MAD1L1: variants seen among roughly 807,000 people sequenced by gnomAD.
MAD1L1 encodes mitotic arrest deficient 1 like 1.
In MAD1L1, 95 loss-of-function variants were observed where a neutral mutation model predicts 96.9. That is an observed-to-expected ratio of 0.98 (90% confidence interval 0.83 to 1.16). The LOEUF (loss-of-function observed/expected upper bound fraction) is 1.16, where lower values mean the gene tolerates loss of function less well. Among genes scored for constraint, MAD1L1 ranks in the 50% most tolerant of loss-of-function variants. The pLI is 0.00. For missense variants in MAD1L1, 1,007 were observed against 954.4 expected (o/e 1.06, Z -0.73); for synonymous variants, 473 against 396.6 (o/e 1.19, Z -2.29).
chr7:2,017,597 TG>T (rs1359566717), intron 12 of MAD1L1, among the ~76,000 whole-genome samples: 3 of 152,064 alleles, frequency 2.0e-5, no homozygotes, highest in Non-Finnish European at 2.9e-5. Flanking sequence ...CTGGGCGCCC[TG>T]GGAGGCAGCG....
chr7:2,069,498 G>T lies in MAD1L1; in HGVS notation c.1074-160C>A, dbSNP rs73048941. ...TCCGCACTGCTGAATAGCTACTTAA[G>T]GCCTTTCAGGAGTTTCTGGATTTCA... On this transcript the variant is annotated intron_variant, in intron 11 of 18. Transcript: ENST00000265854. Among the ~76,000 whole-genome samples, 1,226 of 152,176 alleles carry T rather than the reference G, an allele frequency of 8.1e-3. 6 individuals carry two copies. The highest frequency in any genetic ancestry group is 0.012 in the Admixed American group (178 of 15,302).
intron 10 of MAD1L1, among the ~76,000 whole-genome samples, chr7:2,156,525 TAG>T (rs1002557821): frequency 1.3e-5 from 2 of 151,404 alleles, no homozygotes; most frequent in East Asian, 3.9e-4. Context: ...TCTGCATAAA[TAG>T]AGAGGGGAGG....
chr7:2,182,506 A>G (rs1015950106), intron 10 of MAD1L1, among the ~76,000 whole-genome samples: 2 of 152,230 alleles, frequency 1.3e-5, no homozygotes, highest in Non-Finnish European at 2.9e-5. Context: ...AAAAGGTCTC[A>G]TACAAATATC....
intron 3 of MAD1L1, among the ~76,000 whole-genome samples, chr7:2,226,390 TG>T (rs1793897656): frequency 6.6e-6 from 1 of 151,396 alleles, no homozygotes; most frequent in Non-Finnish European, 1.5e-5. Context: ...GCTGAGCCTC[TG>T]GGGGCCCTCT....
chr7:1,997,482 C>T (rs1465750082), intron 14 of MAD1L1, among the ~76,000 whole-genome samples: 2 of 152,262 alleles, frequency 1.3e-5, no homozygotes, highest in Non-Finnish European at 2.9e-5. Flanking sequence ...TGGGAGGGGC[C>T]TCAGAGCCAG....
rs1226061736 is a variant in MAD1L1, at chr7:2,213,094, G to A, written c.986+118C>T. 25 of 1,052,426 alleles carry A rather than the reference G, an allele frequency of 2.4e-5. No individual in the cohort carries two copies. In the East Asian group the frequency reaches 2.8e-4, roughly 12 times the overall value. The allele number at this position is 1,052,426 out of a possible 1,614,324, so 65.2% of individuals were successfully genotyped here. A position where few individuals can be genotyped will look rare whatever the true frequency, so the allele number is the denominator to read the frequency against. On this transcript the variant is annotated intron_variant, in intron 10 of 18. Coordinates refer to ENST00000265854, the MANE Select transcript of MAD1L1 (RefSeq NM_001013836.2). ...CTGAGCAGCCCAGGACAAATGCCCC[G>A]CACCAGCCACAGAGATGCCTGGCTG...
At chr7:2,131,156 C>T (rs148581857) in intron 11 of MAD1L1, among the ~76,000 whole-genome samples, 272 of 152,308 alleles carry the variant, frequency 1.8e-3, no homozygotes, top group African/African-American at 6.1e-3. Context: ...GGATGAGCAG[C>T]GTGTCAGCCT....
intron 18 of MAD1L1, among the ~76,000 whole-genome samples, chr7:1,858,638 C>T (rs747489730): frequency 1.3e-5 from 2 of 152,210 alleles, no homozygotes; most frequent in Non-Finnish European, 2.9e-5. Context: ...GTCAGACCCA[C>T]GCCACAGTGC....
intron 18 of MAD1L1, among the ~76,000 whole-genome samples, chr7:1,831,634 G>C (rs1782707619): frequency 6.6e-6 from 1 of 152,236 alleles, no homozygotes; most frequent in African/African-American, 2.4e-5. Flanking sequence ...CAAAGGAGAA[G>C]TTCGTAAAGG....
chr7:2,141,984 C>A (rs149122436), intron 11 of MAD1L1, among the ~76,000 whole-genome samples: 2 of 152,304 alleles, frequency 1.3e-5, no homozygotes, highest in African/African-American at 4.8e-5. Context: ...GCAGGTGGAC[C>A]GCACAGCCGT....
intron 17 of MAD1L1, among the ~76,000 whole-genome samples, chr7:1,925,608 G>A (rs796286600): frequency 3.3e-5 from 5 of 152,304 alleles, no homozygotes; most frequent in African/African-American, 9.6e-5. Context: ...TGACCTCAAC[G>A]CCTCCCAGGA....
intron 17 of MAD1L1, among the ~76,000 whole-genome samples, chr7:1,926,077 C>A (rs1026131048): frequency 6.6e-6 from 1 of 152,144 alleles, no homozygotes; most frequent in Non-Finnish European, 1.5e-5. Context: ...GGAAGGAGTA[C>A]CGCTACGAAC....
At chr7:1,938,643 C>A (rs1374439230) in intron 16 of MAD1L1, among the ~76,000 whole-genome samples, 1 of 151,762 alleles carries the variant, frequency 6.6e-6, no homozygotes, top group Non-Finnish European at 1.5e-5. Flanking sequence ...TAAAAATCTG[C>A]AAAACATGTG....
At chr7:2,021,401 CT>C (rs1782781462) in intron 12 of MAD1L1, among the ~76,000 whole-genome samples, 1 of 152,136 alleles carries the variant, frequency 6.6e-6, no homozygotes, top group African/African-American at 2.4e-5. Context: ...TATCCAAGTA[CT>C]GAAACAAAAC....
intron 16 of MAD1L1, among the ~76,000 whole-genome samples, chr7:1,954,282 G>A (rs143526741): frequency 0.012 from 1,770 of 152,278 alleles, 20 homozygotes; most frequent in Middle Eastern, 0.075. Context: ...GGAAAGGCCC[G>A]TGCCCTCCAC....
intron 18 of MAD1L1, chr7:1,846,538 A>G (rs10231456): frequency 0.64 from 97,441 of 153,270 alleles, 31,252 homozygotes; most frequent in South Asian, 0.79. Flanking sequence ...TGCTTGGGCC[A>G]AGTGTGTCCA....
chr7:1,885,444 T>C (rs1183446272), intron 18 of MAD1L1, among the ~76,000 whole-genome samples: 2 of 152,134 alleles, frequency 1.3e-5, no homozygotes, highest in East Asian at 1.9e-4. Context: ...CAGAGGCCAG[T>C]GCACTCAGAC....
At chr7:1,998,000 C>T (rs1355548637) in intron 14 of MAD1L1, among the ~76,000 whole-genome samples, 1 of 152,084 alleles carries the variant, frequency 6.6e-6, no homozygotes, top group Non-Finnish European at 1.5e-5. Flanking sequence ...AAGTCAAATG[C>T]TGCAGCTTGG....
At chr7:2,169,588 G>A (rs572648374) in intron 10 of MAD1L1, among the ~76,000 whole-genome samples, 10 of 152,350 alleles carry the variant, frequency 6.6e-5, no homozygotes, top group Admixed American at 2.0e-4. Context: ...CAGGTGCCAG[G>A]CTCCGCGCTG....
Sources: allele counts gnomAD v4.1 joint callset (sites outside exome capture counted in the v4.1 genomes callset), GRCh38; gene constraint gnomAD v4.1.1; transcripts MANE v1.5; gene names NCBI Gene and HGNC (gene_info 2026-07-23, HGNC 2026-07-21).